Variants in SCUBE1 observed in about 807,000 individuals in gnomAD.
SCUBE1 encodes the protein signal peptide, CUB domain and EGF like domain containing 1.
SCUBE1 carries 59 observed loss-of-function variants against 124.4 expected under a neutral mutation model. The ratio of observed to expected loss-of-function variants is 0.47; its 90% CI spans 0.38 to 0.59. SCUBE1 has a LOEUF of 0.59. Ranked by LOEUF, SCUBE1 falls within the 20% of genes least tolerant of loss-of-function variation. The probability of loss-of-function intolerance (pLI) is 0.00; values close to 1 mark genes in which losing one functional copy is unlikely to be tolerated. For synonymous variants in SCUBE1, 545 were observed against 550.9 expected (o/e 0.99, Z 0.15); for missense variants, 1,150 against 1,371.2 (o/e 0.84, Z 2.55).
At chr22:43,292,556 A>AACACACACACACACACACAC (rs3985926) in intron 3 of SCUBE1, among the ~76,000 whole-genome samples, 91 of 139,668 alleles carry the variant, frequency 6.5e-4, no homozygotes, top group African/African-American at 1.6e-3. Context: ...CCCGGTCCCT[A>AACACACACACACACACACAC]ACACACACAC....
chr22:43,297,788 T>G (rs573566280), intron 3 of SCUBE1, among the ~76,000 whole-genome samples: 2 of 152,352 alleles, frequency 1.3e-5, no homozygotes, highest in African/African-American at 4.8e-5. Context: ...AAATTACTTC[T>G]GGATCCAGCT....
chr22:43,224,041 A>C (rs918752007), intron 10 of SCUBE1, among the ~76,000 whole-genome samples: 1 of 152,198 alleles, frequency 6.6e-6, no homozygotes, highest in Non-Finnish European at 1.5e-5. Context: ...CCTGACCAAC[A>C]CAGCTCCCCC....
rs1923762295 is a variant in SCUBE1, at chr22:43,258,755, T to TG, written c.611-421dup. Among the ~76,000 whole-genome samples, 1 of 152,188 alleles carries TG rather than the reference T, an allele frequency of 6.6e-6. No homozygotes were observed. The highest frequency in any genetic ancestry group is 1.5e-5 in the Non-Finnish European group (1 of 68,036). ...GTCGGGGGAGGGACATGGCGGCCCGTGGTTCCAGGTGACCCTCATTTCCTT... is the reference window on the plus strand; with the variant it reads ...GTCGGGGGAGGGACATGGCGGCCCGTGGGTTCCAGGTGACCCTCATTTCCTT... On this transcript the variant is annotated intron_variant, in intron 5 of 21. Transcript: ENST00000360835. This position sits in a 1 kb window ranked among gnomAD's most constrained non-coding sequence, Gnocchi z 5.0.
chr22:43,198,231 T>G lies in SCUBE1; in HGVS notation c.*5766A>C. 3.6e-6 allele frequency: 1 copy of G among 277,060 alleles called. No homozygotes were observed. The highest frequency in any genetic ancestry group is 7.2e-6 in the Non-Finnish European group (1 of 138,670). 17.2% of individuals were successfully genotyped at this position (277,060 alleles called of 1,614,324 possible). Reference sequence around the variant, plus strand: ...AGCGTCAGCTTCCCCACCTTTCCCTTCTTCCTGTTGGGGCTTGGGGGGTGC... The same window carrying G: ...AGCGTCAGCTTCCCCACCTTTCCCTGCTTCCTGTTGGGGCTTGGGGGGTGC... On this transcript the variant is annotated 3_prime_UTR_variant, in exon 22 of 22. Coordinates refer to ENST00000360835, the MANE Select transcript of SCUBE1 (RefSeq NM_173050.5).
chr22:43,212,675 GC>G, intron 16 of SCUBE1, 83 bp from the exon 17 acceptor site: 3 of 1,413,302 alleles, frequency 2.1e-6, no homozygotes, highest in Non-Finnish European at 2.8e-6. Flanking sequence ...CCCGCTCTTG[GC>G]CCTTGCCCGG....
At chr22:43,233,403 A>G (rs1009213777) in intron 7 of SCUBE1, 1 of 152,238 alleles carries the variant, frequency 6.6e-6, no homozygotes, top group Non-Finnish European at 1.5e-5. Context: ...GCCTTTCACG[A>G]CGGTGGTCTC....
Position 43,203,836 on chromosome 22 carries a change from G to A in SCUBE1, c.*161C>T, listed in dbSNP as rs547560810. On this transcript the variant is annotated 3_prime_UTR_variant, in exon 22 of 22. Transcript: ENST00000360835. ...GTGCTCCCACAGGGGCAGCGGGTCC[G>A]AAGGGTGCCTGGGCTCGGTCTCCAT... 73 of 706,312 alleles carry A rather than the reference G, an allele frequency of 1.0e-4. No homozygotes were observed. In the Admixed American group the frequency reaches 1.4e-3, roughly 14 times the overall value. The allele number at this position is 706,312 out of a possible 1,614,324, so 43.8% of individuals were successfully genotyped here.
chr22:43,204,079 T>A lies in SCUBE1; in HGVS notation c.2885A>T (p.Gln962Leu). The A allele has an allele frequency of 6.2e-7, 1 of 1,614,102 alleles. No individual in the cohort carries two copies. Among genetic ancestry groups the A allele is most frequent in the Non-Finnish European group, 8.5e-7 (1 of 1,179,998 alleles). ...HPQNYFKYTAQESKEMFPRSF... is the reference protein window; with the variant it reads ...HPQNYFKYTALESKEMFPRSF... ...CCGTGGGAACATCTCCTTGGATTCC[T>A]GGGCTGTGTACTTGAAGTAGTTCTG... is the stretch of plus-strand genomic sequence containing the variant. The change falls in exon 22 of 22, where the codon CAG (glutamine) becomes CTG (leucine). Residue 962 changes from glutamine (Q) to leucine (L), a missense_variant. By Grantham distance (113) the Gln-to-Leu change is moderately radical. Coordinates refer to ENST00000360835, the MANE Select transcript of SCUBE1 (RefSeq NM_173050.5).
At position 43,234,636 on chromosome 22, in the gene SCUBE1, C is replaced by T. The variant is rs1420323438; in HGVS notation, c.845-2761G>A. 1.3e-5 allele frequency among the ~76,000 whole-genome samples: 2 copies of T among 152,226 alleles called. No individual in the cohort carries two copies. Among genetic ancestry groups the T allele is most frequent in the African/African-American group, 4.8e-5 (2 of 41,456 alleles). On this transcript the variant is annotated intron_variant, in intron 7 of 21. Coordinates refer to ENST00000360835, the MANE Select transcript of SCUBE1 (RefSeq NM_173050.5). The surrounding 1 kb of genome is among the most constrained non-coding windows in gnomAD (Gnocchi z 4.4). ...GATATAGTGAAGGGGGTGCTGGGCT[C>T]ATGGCCCCTGGGGTGCAGCTTTTGC...
rs931025755 is a variant in SCUBE1 at position 43,198,334 on chromosome 22, G to A, written c.*5663C>T. On this transcript the variant is annotated 3_prime_UTR_variant, in exon 22 of 22. Transcript: ENST00000360835. ...GGACTGGAGAGGCCTTGAGGCCATC[G>A]CAGCAGATGCTGGGAGGGCACGCAG... 6 of 358,254 alleles carry A rather than the reference G, an allele frequency of 1.7e-5. No homozygotes were observed. The highest frequency in any genetic ancestry group is 6.4e-5 in the African/African-American group (3 of 46,778). The allele number at this position is 358,254 out of a possible 1,614,324, so 22.2% of individuals were successfully genotyped here. A position where few individuals can be genotyped will look rare whatever the true frequency, so the allele number is the denominator to read the frequency against.
chr22:43,277,755 AGTTC>A, intron 4 of SCUBE1, among the ~76,000 whole-genome samples: 1 of 152,360 alleles, frequency 6.6e-6, no homozygotes, highest in South Asian at 2.1e-4. Context: ...AGCTTTGCAC[AGTTC>A]TAGTGATCTG....
intron 4 of SCUBE1, among the ~76,000 whole-genome samples, chr22:43,289,704 C>T (rs1267514163): frequency 6.6e-6 from 1 of 152,246 alleles, no homozygotes; most frequent in Non-Finnish European, 1.5e-5. Context: ...CCTGCTCCAT[C>T]TCTGAACGCC....
At chr22:43,338,817 C>T (rs542508639) in intron 2 of SCUBE1, among the ~76,000 whole-genome samples, 11 of 152,310 alleles carry the variant, frequency 7.2e-5, no homozygotes, top group South Asian at 2.1e-4. Flanking sequence ...GGATTACAGA[C>T]GTGAGCCACC....
chr22:43,242,323 C>T (rs1923037559), intron 6 of SCUBE1, among the ~76,000 whole-genome samples: 1 of 152,260 alleles, frequency 6.6e-6, no homozygotes, highest in South Asian at 2.1e-4. Context: ...CTCACTCCTC[C>T]TGTTCCTCAG....
At chr22:43,275,400 T>C (rs1325762732) in intron 4 of SCUBE1, among the ~76,000 whole-genome samples, 1 of 152,208 alleles carries the variant, frequency 6.6e-6, no homozygotes, top group Admixed American at 6.5e-5. Context: ...ACTTCGGGCA[T>C]GAGTCCCTCA....
At chr22:43,291,239 G>A in intron 3 of SCUBE1, 59 bp from the exon 4 acceptor site, 1 of 1,570,082 alleles carries the variant, frequency 6.4e-7, no homozygotes, top group South Asian at 1.1e-5. Flanking sequence ...AGCAGGGCAT[G>A]AGGGGCTGGC....
chr22:43,262,627 C>T, intron 5 of SCUBE1, 93 bp downstream of exon 5: 3 of 1,520,174 alleles, frequency 2.0e-6, no homozygotes, highest in Admixed American at 1.8e-5. Flanking sequence ...GGGGACCCTC[C>T]CTGGCCAAAG....
chr22:43,309,057 G>C (rs1444573760), intron 3 of SCUBE1, among the ~76,000 whole-genome samples: 1 of 152,142 alleles, frequency 6.6e-6, no homozygotes, highest in South Asian at 2.1e-4. Context: ...CAGCTCATCT[G>C]GCAGGAATGA....
intron 6 of SCUBE1, among the ~76,000 whole-genome samples, chr22:43,252,574 G>A (rs796426217): frequency 4.6e-5 from 7 of 152,282 alleles, no homozygotes; most frequent in African/African-American, 1.7e-4. Flanking sequence ...TTCTGCCTGT[G>A]CCTGTCCTAC....
Sources: gnomAD v4.1 joint callset for allele counts (sites outside exome capture counted in the v4.1 genomes callset) on GRCh38, gnomAD v4.1.1 for gene constraint, Gnocchi (gnomAD v3.1) non-coding constraint, MANE v1.5 for transcripts, NCBI Gene and HGNC (gene_info 2026-07-23, HGNC 2026-07-21) for gene names.